The following NLGN1 variants were observed in gnomAD, a reference collection of about 807,000 sequenced individuals.
NLGN1 encodes the protein neuroligin-1.
A neutral mutation model predicts 65.5 loss-of-function variants in NLGN1; 12 were observed. The ratio of observed to expected loss-of-function variants is 0.18; its 90% CI spans 0.12 to 0.30. The LOEUF is 0.30. NLGN1 is among the 10% of genes least tolerant of loss of function. The probability of loss-of-function intolerance (pLI) is 1.00; values close to 1 mark genes in which losing one functional copy is unlikely to be tolerated. For synonymous variants in NLGN1, 350 were observed against 359.5 expected (o/e 0.97, Z 0.30); for missense variants, 750 against 1,007.1 (o/e 0.74, Z 3.46).
At chr3:174,064,066 C>T (rs558611956) in intron 4 of NLGN1, among the ~76,000 whole-genome samples, 1 of 152,030 alleles carries the variant, frequency 6.6e-6, no homozygotes, top group East Asian at 1.9e-4. Context: ...CGTTTGAACC[C>T]GGGAGGCAGA....
chr3:173,560,362 A>G (rs2149294502), intron 2 of NLGN1, among the ~76,000 whole-genome samples: 1 of 151,050 alleles, frequency 6.6e-6, no homozygotes, highest in Middle Eastern at 3.4e-3. Context: ...AAGGAAGAAA[A>G]GGAAGGAAGG....
chr3:174,128,225 C>T (rs1299688420), intron 4 of NLGN1, among the ~76,000 whole-genome samples: 5 of 152,110 alleles, frequency 3.3e-5, no homozygotes, highest in African/African-American at 4.8e-5. Flanking sequence ...TAGATTCACA[C>T]GCTAAGCTTA....
At chr3:173,604,792 T>G in exon 3 of NLGN1, 1 of 1,613,698 alleles carries the variant, frequency 6.2e-7, no homozygotes, top group African/African-American at 1.3e-5. Context: ...ATAAGAGGGA[T>G]TAAGAAGGAA....
chr3:173,877,071 C>T (rs1732265636), intron 4 of NLGN1, among the ~76,000 whole-genome samples: 1 of 152,108 alleles, frequency 6.6e-6, no homozygotes, highest in Non-Finnish European at 1.5e-5. Context: ...AACAAAGGAA[C>T]AAATAACCGT....
intron 3 of NLGN1, among the ~76,000 whole-genome samples, chr3:173,619,018 C>A (rs1215581162): frequency 6.6e-6 from 1 of 152,112 alleles, no homozygotes; most frequent in Admixed American, 6.6e-5. Flanking sequence ...TCTTTTTTCA[C>A]CGTCTTGAAA....
intron 4 of NLGN1, among the ~76,000 whole-genome samples, chr3:173,998,256 T>A (rs541510654): frequency 3.3e-5 from 5 of 152,276 alleles, no homozygotes; most frequent in South Asian, 4.1e-4. Context: ...GTTGGCCAGG[T>A]TCCCCATTGC....
At chr3:173,514,303 T>C (rs1733479908) in intron 2 of NLGN1, among the ~76,000 whole-genome samples, 1 of 152,126 alleles carries the variant, frequency 6.6e-6, no homozygotes, top group African/African-American at 2.4e-5. Context: ...TCTTTTGTGG[T>C]GATTTTTGAA....
chr3:174,192,447 T>A (rs925270078), intron 4 of NLGN1, among the ~76,000 whole-genome samples: 1 of 152,194 alleles, frequency 6.6e-6, no homozygotes, highest in Non-Finnish European at 1.5e-5. Flanking sequence ...AATCAGAGAT[T>A]CTATGCAGAT....
At chr3:173,889,407 C>T (rs1734930394) in intron 4 of NLGN1, among the ~76,000 whole-genome samples, 1 of 152,064 alleles carries the variant, frequency 6.6e-6, no homozygotes, top group Non-Finnish European at 1.5e-5. Flanking sequence ...TTACTACAAA[C>T]AGTGACAAAG....
chr3:173,632,161 TC>T (rs980765258), intron 3 of NLGN1, among the ~76,000 whole-genome samples: 15 of 152,170 alleles, frequency 9.9e-5, no homozygotes, highest in African/African-American at 3.6e-4. Context: ...TGAAGTGTCT[TC>T]CTCTCTTAGA....
intron 4 of NLGN1, among the ~76,000 whole-genome samples, chr3:174,269,283 G>C (rs563227652): frequency 1.3e-5 from 2 of 151,868 alleles, no homozygotes; most frequent in South Asian, 4.1e-4. Flanking sequence ...CAGATCTCTA[G>C]AACTTTTTCA....
chr3:173,918,496 G>T (rs1014457350), intron 4 of NLGN1, among the ~76,000 whole-genome samples: 1 of 151,844 alleles, frequency 6.6e-6, no homozygotes, highest in African/African-American at 2.4e-5. Context: ...AGCGCCATGC[G>T]GCAGCGTGTG....
At chr3:174,176,410 G>T (rs909267411) in intron 4 of NLGN1, among the ~76,000 whole-genome samples, 1 of 151,764 alleles carries the variant, frequency 6.6e-6, no homozygotes, top group Admixed American at 6.6e-5. Context: ...AATCATCAGT[G>T]GTATTTTTAA....
chr3:173,536,575 G>T (rs1737472582), intron 2 of NLGN1, among the ~76,000 whole-genome samples: 1 of 152,208 alleles, frequency 6.6e-6, no homozygotes, highest in Non-Finnish European at 1.5e-5. Context: ...TGAAGTTGGA[G>T]AACCAATACC....
chr3:173,443,836 T>C (rs931610784), intron 2 of NLGN1, among the ~76,000 whole-genome samples: 1 of 152,202 alleles, frequency 6.6e-6, no homozygotes, highest in Middle Eastern at 3.2e-3. Context: ...TTTTTCAAGG[T>C]AATACAATTT....
intron 4 of NLGN1, among the ~76,000 whole-genome samples, chr3:174,246,529 C>G (rs752487396): frequency 6.6e-6 from 1 of 152,110 alleles, no homozygotes; most frequent in Non-Finnish European, 1.5e-5. Flanking sequence ...AGTGATCCTC[C>G]GGCTTCAGCC....
At chr3:173,889,151 T>A (rs1030050271) in intron 4 of NLGN1, among the ~76,000 whole-genome samples, 3 of 152,154 alleles carry the variant, frequency 2.0e-5, no homozygotes, top group African/African-American at 7.2e-5. Context: ...TCCGAAGTCA[T>A]AATTGTTCAG....
At chr3:173,443,301 A>G (rs989454535) in intron 2 of NLGN1, among the ~76,000 whole-genome samples, 1 of 67,090 alleles carries the variant, frequency 1.5e-5, no homozygotes, top group Non-Finnish European at 3.5e-5. Flanking sequence ...CTTTAATAGT[A>G]TATATATTAT....
intron 4 of NLGN1, among the ~76,000 whole-genome samples, chr3:173,972,131 G>A (rs1032227635): frequency 3.9e-5 from 6 of 152,096 alleles, no homozygotes; most frequent in African/African-American, 9.7e-5. Flanking sequence ...CATTAACAAA[G>A]TAAGAATATC....
Sources: gnomAD v4.1 joint callset for allele counts (sites outside exome capture counted in the v4.1 genomes callset) on GRCh38, gnomAD v4.1.1 for gene constraint, MANE v1.5 for transcripts, NCBI Gene and HGNC (gene_info 2026-07-23, HGNC 2026-07-21) for gene names.